Variants in UBXN7 observed in about 807,000 individuals in gnomAD.
The protein encoded by UBXN7 is UBX domain protein 7, also known as UBX domain-containing protein 7.
In UBXN7, 9 loss-of-function variants were observed where a neutral mutation model predicts 58.0. The ratio of observed to expected loss-of-function variants is 0.16; its 90% CI spans 0.09 to 0.27. The LOEUF is 0.27. UBXN7 is among the 10% of genes least tolerant of loss of function. UBXN7 has a pLI of 1.00. For missense variants in UBXN7, 328 were observed against 599.6 expected (o/e 0.55, Z 4.73); for synonymous variants, 208 against 205.0 (o/e 1.01, Z -0.12).
intron 5 of UBXN7, among the ~76,000 whole-genome samples, chr3:196,380,375 G>C (rs531585382): frequency 2.0e-4 from 31 of 152,174 alleles, no homozygotes; most frequent in Admixed American, 1.2e-3. Flanking sequence ...ATGCAGACAA[G>C]GGCAAGCAAG....
intron 8 of UBXN7, among the ~76,000 whole-genome samples, chr3:196,367,177 T>G (rs1478719843): frequency 6.9e-6 from 1 of 145,746 alleles, no homozygotes; most frequent in African/African-American, 2.5e-5. Flanking sequence ...AACAAGACTC[T>G]GGCTCAAAAA....
At chr3:196,411,802 C>T (rs1336570335) in intron 1 of UBXN7, among the ~76,000 whole-genome samples, 1 of 152,072 alleles carries the variant, frequency 6.6e-6, no homozygotes, top group Non-Finnish European at 1.5e-5. Flanking sequence ...AAGAGTGAGA[C>T]TTCGTCTCAA....
At chr3:196,428,705 C>A (rs1270023225) in intron 1 of UBXN7, among the ~76,000 whole-genome samples, 4 of 149,844 alleles carry the variant, frequency 2.7e-5, no homozygotes, top group Admixed American at 6.7e-5. Flanking sequence ...CCAGCCTGCA[C>A]AACAAAGTGA....
rs778936501 is a variant in UBXN7, at chr3:196,355,781, A to G, written c.*904T>C. On this transcript the variant is annotated 3_prime_UTR_variant, in exon 11 of 11. Transcript: ENST00000296328. ...GGTTACAATTCCAAGCCATTGTACT[A>G]CATGATTATTGACCAGCTGCCTTCC... The G allele has an allele frequency of 4.6e-5, 7 of 152,250 alleles. No individual in the cohort carries two copies. Among genetic ancestry groups the G allele is most frequent in the African/African-American group, 1.7e-4 (7 of 41,456 alleles). The allele number at this position is 152,250 out of a possible 1,614,324, so 9.4% of individuals were successfully genotyped here.
chr3:196,365,276 T>A (rs1728632905), intron 8 of UBXN7, among the ~76,000 whole-genome samples: 3 of 142,536 alleles, frequency 2.1e-5, no homozygotes, highest in African/African-American at 2.6e-5. Flanking sequence ...AGAGTATACA[T>A]CCAGGAAAAG....
Position 196,374,533 on chromosome 3 carries a change from AG to A in UBXN7, c.469-2492del, listed in dbSNP as rs547950820. On this transcript the variant is annotated intron_variant, in intron 5 of 10. Transcript: ENST00000296328. Reference sequence around the variant, plus strand: ...TAAAAAATTGTTACTGCTAAAAGGAAGGGTGCAAAGACACAATTTTCAAACA... The same window carrying A: ...TAAAAAATTGTTACTGCTAAAAGGAAGGTGCAAAGACACAATTTTCAAACA... Among the ~76,000 whole-genome samples, 351 of 152,162 alleles carry A rather than the reference AG, an allele frequency of 2.3e-3. 3 individuals carry two copies. The highest frequency in any genetic ancestry group is 3.8e-3 in the Non-Finnish European group (256 of 68,014).
rs182703389 is a variant in UBXN7 at position 196,386,428 on chromosome 3, C to A, written c.468+5385G>T. 3.6e-3 allele frequency among the ~76,000 whole-genome samples: 539 copies of A among 149,918 alleles called. 19 individuals carry two copies. The South Asian group carries it at 0.074, about 21-fold the overall frequency. The stretch of plus-strand genomic sequence containing the variant: ...AAAGGAAATGAGGAAGTCAAATTGT[C>A]CCTGTTTGCAGATGACATGATTGTA... On this transcript the variant is annotated intron_variant, in intron 5 of 10. Coordinates refer to ENST00000296328, the MANE Select transcript of UBXN7 (RefSeq NM_015562.2).
In UBXN7 at chr3:196,354,427, A is replaced by G. The variant is rs754546225; in HGVS notation, c.*2258T>C. 6.6e-6 allele frequency: 1 copy of G among 152,244 alleles called. No homozygotes were observed. The highest frequency in any genetic ancestry group is 1.5e-5 in the Non-Finnish European group (1 of 68,054). 9.4% of individuals were successfully genotyped at this position (152,244 alleles called of 1,614,324 possible). A position where few individuals can be genotyped will look rare whatever the true frequency, so the allele number is the denominator to read the frequency against. On this transcript the variant is annotated 3_prime_UTR_variant, in exon 11 of 11. Transcript: ENST00000296328. ...CTAGAAGGTAAAGAAAAGGAAACAGAGCCCTATAGGAAAAATGATTGACTT... is the reference window on the plus strand; with the variant it reads ...CTAGAAGGTAAAGAAAAGGAAACAGGGCCCTATAGGAAAAATGATTGACTT...
chr3:196,399,340 G>A (rs566812518), intron 3 of UBXN7, among the ~76,000 whole-genome samples: 2 of 151,790 alleles, frequency 1.3e-5, no homozygotes, highest in Admixed American at 6.6e-5. Flanking sequence ...GTCTCAATAC[G>A]TTGCCCAGGC....
At chr3:196,408,901 G>A (rs1730242297) in intron 1 of UBXN7, among the ~76,000 whole-genome samples, 1 of 151,902 alleles carries the variant, frequency 6.6e-6, no homozygotes, top group Non-Finnish European at 1.5e-5. Context: ...TATCCTCTTT[G>A]GAATTCAATG....
chr3:196,370,127 C>CA (rs368855542), intron 6 of UBXN7, among the ~76,000 whole-genome samples: 11,026 of 73,074 alleles, frequency 0.15, 762 homozygotes, highest in Middle Eastern at 0.22. Flanking sequence ...AGACTTGTCT[C>CA]AAAAAAAAAA....
intron 1 of UBXN7, among the ~76,000 whole-genome samples, chr3:196,429,057 G>A (rs1211528016): frequency 6.6e-6 from 1 of 151,784 alleles, no homozygotes; most frequent in Admixed American, 6.6e-5. Flanking sequence ...GCCAGGCGCG[G>A]TGGCTCACAC....
At chr3:196,386,356 CA>C (rs1729395952) in intron 5 of UBXN7, among the ~76,000 whole-genome samples, 1 of 96,538 alleles carries the variant, frequency 1.0e-5, no homozygotes. Flanking sequence ...CTCCGAGAAA[CA>C]CCCAAGAATG....
intron 1 of UBXN7, among the ~76,000 whole-genome samples, chr3:196,426,256 C>T (rs546391451): frequency 2.0e-5 from 3 of 151,790 alleles, no homozygotes; most frequent in Admixed American, 6.6e-5. Context: ...TGTCGTGACG[C>T]GCATCTGTGG....
chr3:196,413,247 A>T (rs1730386845), intron 1 of UBXN7, among the ~76,000 whole-genome samples: 1 of 152,120 alleles, frequency 6.6e-6, no homozygotes, highest in Non-Finnish European at 1.5e-5. Flanking sequence ...CTGAGGGAGG[A>T]GAACCGCTTG....
At chr3:196,370,085 G>A (rs561690901) in intron 6 of UBXN7, among the ~76,000 whole-genome samples, 152 of 147,794 alleles carry the variant, frequency 1.0e-3, no homozygotes, top group African/African-American at 3.6e-3. Flanking sequence ...AGCTGAGATC[G>A]TGCCACTGCA....
At chr3:196,401,913 C>T (rs1577464444) in intron 3 of UBXN7, among the ~76,000 whole-genome samples, 1 of 143,796 alleles carries the variant, frequency 7.0e-6, no homozygotes, top group African/African-American at 2.5e-5. Flanking sequence ...ATCTGTACAC[C>T]AAACCCACGC....
intron 1 of UBXN7, among the ~76,000 whole-genome samples, chr3:196,423,786 A>G (rs952671463): frequency 6.6e-6 from 1 of 152,166 alleles, no homozygotes; most frequent in Non-Finnish European, 1.5e-5. Context: ...TAAGATTCTG[A>G]AGCACCACAG....
intron 3 of UBXN7, 110 bp from the exon 4 acceptor site, chr3:196,393,729 C>A: frequency 9.7e-7 from 1 of 1,035,366 alleles, no homozygotes; most frequent in Non-Finnish European, 1.4e-6. Flanking sequence ...AAACCCTTCA[C>A]GAACTGCATG....
Sources: allele counts gnomAD v4.1 joint callset (sites outside exome capture counted in the v4.1 genomes callset), GRCh38; gene constraint gnomAD v4.1.1; transcripts MANE v1.5; gene names NCBI Gene and HGNC (gene_info 2026-07-23, HGNC 2026-07-21).